The following GRM5 variants were observed in gnomAD, a reference collection of about 807,000 sequenced individuals.
The protein encoded by GRM5 is metabotropic glutamate receptor 5.
GRM5 carries 19 observed loss-of-function variants against 83.1 expected under a neutral mutation model. The observed-to-expected ratio is 0.23, with a 90% CI of 0.16 to 0.34. The LOEUF is 0.34. Ranked by LOEUF, GRM5 falls within the 10% of genes least tolerant of loss-of-function variation. GRM5 has a pLI of 1.00. For missense variants in GRM5, 1,160 were observed against 1,588.3 expected, an observed-to-expected ratio of 0.73 and a Z score of 4.58; for synonymous variants, 675 against 633.6, an observed-to-expected ratio of 1.07 and a Z score of -0.98.
At chr11:88,971,460 G>A (rs1221670459) in intron 2 of GRM5, among the ~76,000 whole-genome samples, 2 of 151,942 alleles carry the variant, frequency 1.3e-5, no homozygotes, top group Non-Finnish European at 1.5e-5. Context: ...AGGCCCCAGT[G>A]ACTTTTTTCC....
intron 1 of GRM5, among the ~76,000 whole-genome samples, chr11:89,052,280 G>C (rs985783277): frequency 6.6e-6 from 1 of 152,070 alleles, no homozygotes; most frequent in Non-Finnish European, 1.5e-5. Flanking sequence ...GCATGAAATC[G>C]CCTGGAGAGG....
At chr11:88,943,869 C>G (rs1337719256) in intron 2 of GRM5, among the ~76,000 whole-genome samples, 2 of 152,020 alleles carry the variant, frequency 1.3e-5, no homozygotes, top group African/African-American at 2.4e-5. Flanking sequence ...CACATTTTCA[C>G]TACATGTTCA....
intron 4 of GRM5, among the ~76,000 whole-genome samples, chr11:88,612,011 CA>C: frequency 6.6e-6 from 1 of 150,944 alleles, no homozygotes; most frequent in Non-Finnish European, 1.5e-5. Context: ...TACATGTGCA[CA>C]TTGTGCAGGT....
intron 3 of GRM5, among the ~76,000 whole-genome samples, chr11:88,802,845 T>C (rs1358558796): frequency 6.6e-6 from 1 of 151,616 alleles, no homozygotes; most frequent in African/African-American, 2.4e-5. Context: ...ATTCTCAGGA[T>C]ACAAAATCAA....
At chr11:88,530,882 G>A (rs570447681) in intron 8 of GRM5, among the ~76,000 whole-genome samples, 171 of 152,200 alleles carry the variant, frequency 1.1e-3, no homozygotes, top group Middle Eastern at 6.8e-3. Context: ...TCAAGTTTGA[G>A]TAAGTGACCA....
At chr11:88,565,864 G>A (rs560563893) in intron 8 of GRM5, among the ~76,000 whole-genome samples, 191 of 152,266 alleles carry the variant, frequency 1.3e-3, no homozygotes, top group Non-Finnish European at 2.0e-3. Flanking sequence ...TAATGTAAAC[G>A]AATTGGACCT....
chr11:88,866,514 C>A (rs1355654350), intron 2 of GRM5, among the ~76,000 whole-genome samples: 1 of 151,890 alleles, frequency 6.6e-6, no homozygotes, highest in South Asian at 2.1e-4. Context: ...AACAAACCTG[C>A]ACATTCTGCA....
chr11:88,534,022 AGAAG>A (rs1339790143), intron 8 of GRM5, among the ~76,000 whole-genome samples: 1 of 152,196 alleles, frequency 6.6e-6, no homozygotes, highest in Non-Finnish European at 1.5e-5. Flanking sequence ...GTGGGTACTC[AGAAG>A]TCAGGAATTG....
intron 3 of GRM5, among the ~76,000 whole-genome samples, chr11:88,727,835 A>G (rs1022113614): frequency 1.3e-5 from 2 of 152,222 alleles, no homozygotes; most frequent in African/African-American, 2.4e-5. Context: ...GAAACCAATG[A>G]GAACAAAGAC....
chr11:88,976,084 A>G lies in GRM5; in HGVS notation c.661+71128T>C, dbSNP rs1939327070. Among the ~76,000 whole-genome samples, 4 of 152,164 alleles carry G rather than the reference A, an allele frequency of 2.6e-5. No homozygotes were observed. In the South Asian group the frequency reaches 8.3e-4, roughly 32 times the overall value. On this transcript the variant is annotated intron_variant, in intron 2 of 9. Coordinates refer to ENST00000305447, the MANE Select transcript of GRM5 (RefSeq NM_001143831.3). Reference sequence around the variant, plus strand: ...TTATGTTGGTTCCACCTATTTGATTAGTTAATTTGATAAATTTAATGATGC... The same window carrying G: ...TTATGTTGGTTCCACCTATTTGATTGGTTAATTTGATAAATTTAATGATGC...
intron 2 of GRM5, among the ~76,000 whole-genome samples, chr11:88,964,780 G>A (rs907214321): frequency 6.6e-6 from 1 of 151,994 alleles, no homozygotes; most frequent in Non-Finnish European, 1.5e-5. Context: ...AATAAGAATA[G>A]GAATTATATC....
Position 89,030,773 on chromosome 11 carries a change from C to T in GRM5, c.661+16439G>A, listed in dbSNP as rs191987296. On this transcript the variant is annotated intron_variant, in intron 2 of 9. Coordinates refer to ENST00000305447, the MANE Select transcript of GRM5 (RefSeq NM_001143831.3). ...TGATTCAAAATTCTATGATCTTATG[C>T]CCTATTATACTTAAGAACACTGAAT... Among the ~76,000 whole-genome samples, 81 of 152,076 alleles carry T rather than the reference C, an allele frequency of 5.3e-4. No individual in the cohort carries two copies. In the East Asian group the frequency reaches 9.5e-3, roughly 18 times the overall value.
At chr11:88,767,692 G>A (rs553813455) in intron 3 of GRM5, among the ~76,000 whole-genome samples, 66 of 152,038 alleles carry the variant, frequency 4.3e-4, no homozygotes, top group South Asian at 1.2e-3. Context: ...ATGGTAGGAG[G>A]AGGGAGAGGA....
rs1325802621 is a variant in GRM5 at position 89,065,786 on chromosome 11, C to T, written c.-211G>A. ...AGGCGCTGTGCTTACCAGGTGCGCG[C>T]CCTGAGCCTTGCGCCCCCAGGCAGC... On this transcript the variant is annotated 5_prime_UTR_variant, in exon 1 of 10. Coordinates refer to ENST00000305447, the MANE Select transcript of GRM5 (RefSeq NM_001143831.3). 6.6e-6 allele frequency: 1 copy of T among 152,270 alleles called. No homozygotes were observed. The highest frequency in any genetic ancestry group is 2.4e-5 in the African/African-American group (1 of 41,464). The allele number at this position is 152,270 out of a possible 1,614,324, so 9.4% of individuals were successfully genotyped here.
At chr11:89,023,705 T>G (rs1043087029) in intron 2 of GRM5, among the ~76,000 whole-genome samples, 2 of 151,244 alleles carry the variant, frequency 1.3e-5, no homozygotes, top group African/African-American at 4.9e-5. Flanking sequence ...AAAAAAATAT[T>G]CAGGCATAGT....
At chr11:88,798,217 T>C (rs954079841) in intron 3 of GRM5, among the ~76,000 whole-genome samples, 34 of 152,236 alleles carry the variant, frequency 2.2e-4, no homozygotes, top group African/African-American at 8.0e-4. Context: ...TTTCAATCAA[T>C]GTTATCATTG....
intron 8 of GRM5, among the ~76,000 whole-genome samples, chr11:88,563,316 C>G (rs1050153585): frequency 7.2e-5 from 11 of 152,144 alleles, no homozygotes; most frequent in Non-Finnish European, 2.9e-5. Flanking sequence ...AGTATGCTGC[C>G]TTTGCATTTT....
chr11:88,668,483 T>A (rs75683795), intron 3 of GRM5, among the ~76,000 whole-genome samples: 5,010 of 152,064 alleles, frequency 0.033, 252 homozygotes, highest in African/African-American at 0.11. Flanking sequence ...AATATCTAAA[T>A]ATTAAAGTGA....
chr11:88,794,493 T>A (rs1168582595), intron 3 of GRM5, among the ~76,000 whole-genome samples: 10 of 152,230 alleles, frequency 6.6e-5, no homozygotes, highest in South Asian at 2.1e-4. Context: ...TTTTATTTTT[T>A]AAAAAAATAT....
Sources: gnomAD v4.1 joint callset for allele counts (sites outside exome capture counted in the v4.1 genomes callset) on GRCh38, gnomAD v4.1.1 for gene constraint, MANE v1.5 for transcripts, NCBI Gene and HGNC (gene_info 2026-07-23, HGNC 2026-07-21) for gene names.